Variants in CAPSL observed in about 807,000 individuals in gnomAD.
The protein encoded by CAPSL is calcyphosin-like protein.
Under a neutral mutation model 21.3 loss-of-function variants are expected in CAPSL, and 17 were observed. The observed-to-expected ratio is 0.80, with a 90% confidence interval of 0.55 to 1.20. The LOEUF is 1.20. Among genes scored for constraint, CAPSL ranks in the 50% most tolerant of loss-of-function variants. The probability of loss-of-function intolerance (pLI) is 0.00; values close to 1 mark genes in which losing one functional copy is unlikely to be tolerated. For missense variants in CAPSL, 289 were observed against 259.3 expected (o/e 1.11, Z -0.79); for synonymous variants, 102 against 89.3 (o/e 1.14, Z -0.80).
intron 4 of CAPSL, among the ~76,000 whole-genome samples, chr5:35,907,278 T>C (rs1467224778): frequency 6.6e-6 from 1 of 152,164 alleles, no homozygotes; most frequent in Non-Finnish European, 1.5e-5. Context: ...AGGTTACTAT[T>C]AATACATACA....
chr5:35,935,206 A>G (rs531598752), intron 1 of CAPSL, among the ~76,000 whole-genome samples: 1 of 152,260 alleles, frequency 6.6e-6, no homozygotes, highest in African/African-American at 2.4e-5. Context: ...GAGCTCATCT[A>G]GACAATCCAT....
intron 2 of CAPSL, among the ~76,000 whole-genome samples, chr5:35,913,125 G>A (rs538461080): frequency 2.6e-4 from 39 of 152,256 alleles, no homozygotes; most frequent in Non-Finnish European, 5.1e-4. Flanking sequence ...AAGATCAAAT[G>A]AATGAAATGA....
chr5:35,938,423 A>C (rs534800153), intron 1 of CAPSL, 118 bp downstream of exon 1: 1 of 152,266 alleles, frequency 6.6e-6, no homozygotes, highest in East Asian at 1.9e-4. Context: ...AAGAACTCTC[A>C]AAAGACTTTT....
At position 35,909,895 on chromosome 5, in the gene CAPSL, A is replaced by T; in HGVS notation, c.496T>A (p.Phe166Ile). ...EQVFRKFLDNFDSPYDKDGLV... is the reference protein window; with the variant it reads ...EQVFRKFLDNIDSPYDKDGLV... ...CCATCTTTGTCATAGGGTGAATCAA[A>T]GTTATCCAGAAATTTCCTAAATACT... is the stretch of plus-strand genomic sequence containing the variant. Residue 166 changes from phenylalanine (F) to isoleucine (I), a missense_variant, in exon 4 of 5, where the codon TTT becomes ATT. By Grantham distance (21) the Phe-to-Ile change is conservative. Transcript: ENST00000651391. 1 of 1,613,464 alleles carries T rather than the reference A, an allele frequency of 6.2e-7. No individual in the cohort carries two copies.
chr5:35,934,615 C>T (rs2149935145), intron 1 of CAPSL, among the ~76,000 whole-genome samples: 1 of 152,284 alleles, frequency 6.6e-6, no homozygotes, highest in African/African-American at 2.4e-5. Flanking sequence ...TCTGCCAAGC[C>T]ACAGTTTTTC....
At chr5:35,920,184 G>A (rs1381984350) in intron 2 of CAPSL, among the ~76,000 whole-genome samples, 1 of 152,106 alleles carries the variant, frequency 6.6e-6, no homozygotes, top group Non-Finnish European at 1.5e-5. Context: ...CATCTTCTGG[G>A]TCCAAGGCTA....
intron 1 of CAPSL, among the ~76,000 whole-genome samples, chr5:35,927,196 G>C (rs929077013): frequency 5.3e-5 from 8 of 152,158 alleles, no homozygotes; most frequent in African/African-American, 1.7e-4. Flanking sequence ...AAGCTGTCCT[G>C]TTGAGGAAGT....
intron 2 of CAPSL, among the ~76,000 whole-genome samples, chr5:35,918,253 T>C (rs1738443648): frequency 1.3e-5 from 2 of 152,176 alleles, no homozygotes; most frequent in South Asian, 4.1e-4. Flanking sequence ...GTGGCACACA[T>C]ACACCATGGA....
intron 2 of CAPSL, among the ~76,000 whole-genome samples, chr5:35,919,457 G>A (rs188269541): frequency 6.6e-6 from 1 of 152,240 alleles, no homozygotes; most frequent in Admixed American, 6.5e-5. Context: ...AAATAACAAA[G>A]TCATCTTGAT....
intron 2 of CAPSL, among the ~76,000 whole-genome samples, chr5:35,912,780 G>C (rs1217530988): frequency 6.6e-6 from 1 of 152,168 alleles, no homozygotes; most frequent in African/African-American, 2.4e-5. Context: ...CAGAAAAACT[G>C]GAAACTCTAA....
intron 1 of CAPSL, among the ~76,000 whole-genome samples, chr5:35,921,820 C>T (rs1367463017): frequency 2.0e-5 from 3 of 151,884 alleles, no homozygotes; most frequent in African/African-American, 7.3e-5. Flanking sequence ...CCTCAACTCC[C>T]CCAACCCCTC....
At chr5:35,921,220 TTC>T in intron 1 of CAPSL, 100 bp from the exon 2 acceptor site, 1 of 1,411,220 alleles carries the variant, frequency 7.1e-7, no homozygotes, top group Non-Finnish European at 9.5e-7. Context: ...ATTTACAGCC[TTC>T]TCTGTCAGGA....
intron 2 of CAPSL, among the ~76,000 whole-genome samples, chr5:35,917,417 G>A (rs1251304943): frequency 3.3e-5 from 5 of 152,072 alleles, no homozygotes; most frequent in East Asian, 1.9e-4. Flanking sequence ...ACATACACAC[G>A]TATGTTTATT....
At chr5:35,926,529 G>T (rs1314184652) in intron 1 of CAPSL, among the ~76,000 whole-genome samples, 1 of 152,160 alleles carries the variant, frequency 6.6e-6, no homozygotes, top group Non-Finnish European at 1.5e-5. Flanking sequence ...AAATGCATGG[G>T]GTCTGTATCT....
chr5:35,923,260 C>G (rs922290796), intron 1 of CAPSL, among the ~76,000 whole-genome samples: 1 of 152,136 alleles, frequency 6.6e-6, no homozygotes, highest in African/African-American at 2.4e-5. Context: ...AAAAACCAGT[C>G]ATGGAGAGAA....
intron 2 of CAPSL, among the ~76,000 whole-genome samples, chr5:35,914,452 A>G (rs1738316666): frequency 6.6e-6 from 1 of 152,030 alleles, no homozygotes; most frequent in Non-Finnish European, 1.5e-5. Context: ...TGACCACATA[A>G]TTGGAAGTAA....
chr5:35,910,197 TA>T, intron 3 of CAPSL, 122 bp from the exon 4 acceptor site: 1 of 1,074,554 alleles, frequency 9.3e-7, no homozygotes. Flanking sequence ...TGCTATTATG[TA>T]ATAGACACTA....
intron 2 of CAPSL, among the ~76,000 whole-genome samples, chr5:35,919,479 T>A (rs372656354): frequency 1.8e-4 from 27 of 152,218 alleles, no homozygotes; most frequent in African/African-American, 6.3e-4. Context: ...TTGGTCAGGA[T>A]AAAGACTCAG....
rs529286316 is a variant in CAPSL, at chr5:35,934,562, A to T, written c.-1+3979T>A. 3.3e-5 allele frequency among the ~76,000 whole-genome samples: 5 copies of T among 152,292 alleles called. No homozygotes were observed. In the South Asian group the frequency reaches 1.0e-3, roughly 32 times the overall value. On this transcript the variant is annotated intron_variant, in intron 1 of 4. Transcript: ENST00000651391. ...AGGCATCAGTAGAAGATCAGAGGAG[A>T]GGAGGAGATAGAGGCTGGAGTATTT...
Sources: gnomAD v4.1 joint callset for allele counts (sites outside exome capture counted in the v4.1 genomes callset) on GRCh38, gnomAD v4.1.1 for gene constraint, MANE v1.5 for transcripts, NCBI Gene and HGNC (gene_info 2026-07-23, HGNC 2026-07-21) for gene names.